Variants in HEPACAM observed in about 807,000 individuals in gnomAD.
HEPACAM encodes the protein hepatic and glial cell adhesion molecule, also known as hepatocyte cell adhesion molecule.
HEPACAM carries 18 observed loss-of-function variants against 38.3 expected under a neutral mutation model. The observed-to-expected ratio is 0.47, with a 90% CI of 0.33 to 0.70. The LOEUF (loss-of-function observed/expected upper bound fraction) is 0.70, where lower values mean the gene tolerates loss of function less well. Among genes scored for constraint, HEPACAM ranks in the 30% least tolerant of loss-of-function variants. The probability of loss-of-function intolerance (pLI) is 0.03; values close to 1 mark genes in which losing one functional copy is unlikely to be tolerated. For missense variants in HEPACAM, 466 were observed against 563.0 expected, an observed-to-expected ratio of 0.83 and a Z score of 1.74; for synonymous variants, 216 against 243.1, an observed-to-expected ratio of 0.89 and a Z score of 1.04.
At position 124,935,967 on chromosome 11, in the gene HEPACAM, C is replaced by T. The variant is rs778673689; in HGVS notation, c.40G>A (p.Ala14Thr). Reference protein sequence around the residue: ...ERGALSRASRALRLAPFVYLL... With the variant: ...ERGALSRASRTLRLAPFVYLL... ...TAGACAAAAGGAGCAAGGCGCAGGG[C>T]CCTGGAGGCTCTGGACAGGGCTCCC... Residue 14 changes from alanine (A) to threonine (T), a missense_variant, in exon 1 of 7, where the codon GCC becomes ACC. Ala to Thr is a moderately conservative substitution (Grantham distance 58). Coordinates refer to ENST00000298251, the MANE Select transcript of HEPACAM (RefSeq NM_152722.5). The T allele has an allele frequency of 6.2e-7, 1 of 1,614,060 alleles. No homozygotes were observed. The highest frequency in any genetic ancestry group is 8.5e-7 in the Non-Finnish European group (1 of 1,180,000).
intron 1 of HEPACAM, among the ~76,000 whole-genome samples, chr11:124,935,118 C>A (rs1255478201): frequency 6.6e-6 from 1 of 152,146 alleles, no homozygotes; most frequent in South Asian, 2.1e-4. Context: ...CCCTGATATT[C>A]CCACACCCTG....
rs1340237367 is a variant in HEPACAM at position 124,920,516 on chromosome 11, A to T, written c.*622T>A. ...AATGTACTCGTACCCTTCCCTCACC[A>T]CCTTGTAGGTCCCCAGGTACCAGGT... On this transcript the variant is annotated 3_prime_UTR_variant, in exon 7 of 7. Coordinates refer to ENST00000298251, the MANE Select transcript of HEPACAM (RefSeq NM_152722.5). 1.9e-5 allele frequency: 27 copies of T among 1,454,238 alleles called. No homozygotes were observed. Among genetic ancestry groups the T allele is most frequent in the Non-Finnish European group, 2.4e-5 (26 of 1,088,352 alleles). 90.1% of individuals were successfully genotyped at this position (1,454,238 alleles called of 1,614,324 possible).
chr11:124,921,120 A>C lies in HEPACAM; in HGVS notation c.*18T>G, dbSNP rs748637685. 6.7e-5 allele frequency: 102 copies of C among 1,524,246 alleles called. 1 individual carries two copies. The highest frequency in any genetic ancestry group is 2.3e-4 in the Middle Eastern group (1 of 4,336). The allele number at this position is 1,524,246 out of a possible 1,614,324, so 94.4% of individuals were successfully genotyped here. The stretch of plus-strand genomic sequence containing the variant: ...TGGCCGCAGACCGCGGGCGCCTCTC[A>C]GGGGATCCCGAGGCGGCTCAGGCGC... On this transcript the variant is annotated 3_prime_UTR_variant, in exon 7 of 7. Coordinates refer to ENST00000298251, the MANE Select transcript of HEPACAM (RefSeq NM_152722.5). The surrounding 1 kb of genome is among the most constrained non-coding windows in gnomAD (Gnocchi z 4.6).
chr11:124,922,590 T>C (rs1257192202), intron 5 of HEPACAM, 132 bp from the exon 6 acceptor site: 38 of 1,607,728 alleles, frequency 2.4e-5, no homozygotes, highest in Non-Finnish European at 3.1e-5. Flanking sequence ...GGCTCCTACC[T>C]TGGCCAAACC....
chr11:124,931,497 A>C (rs545553402), intron 1 of HEPACAM, among the ~76,000 whole-genome samples: 2 of 152,380 alleles, frequency 1.3e-5, no homozygotes, highest in East Asian at 3.9e-4. Flanking sequence ...GTGAGCCATC[A>C]CACCAACCTT....
intron 1 of HEPACAM, among the ~76,000 whole-genome samples, chr11:124,927,510 G>GTTTTTTTTTTTTTTTTTTTT (rs763291809): frequency 5.0e-5 from 5 of 99,190 alleles, no homozygotes; most frequent in Admixed American, 1.1e-4. Context: ...GCCCAGCTAG[G>GTTTTTTTTTTTTTTTTTTTT]TTTTTTTTTT....
Position 124,924,737 on chromosome 11 carries a change from T to G in HEPACAM, c.418A>C (p.Thr140Pro). The part of the protein sequence containing the change: ...TFTGEKTINL[T>P]VDVPISRPQV... Reference sequence around the variant, plus strand: ...TGCCAGAGCGCTTTACCATCTACAGTAAGGTTGATGGTCTTCTCCCCAGTG... The same window carrying G: ...TGCCAGAGCGCTTTACCATCTACAGGAAGGTTGATGGTCTTCTCCCCAGTG... Residue 140 changes from threonine to proline, a missense_variant, in exon 2 of 7, where the codon ACT becomes CCT. Physicochemically the swap from Thr to Pro is conservative, Grantham distance 38. Transcript: ENST00000298251. This position sits in a 1 kb window ranked among gnomAD's most constrained non-coding sequence, Gnocchi z 4.4. 1 of 1,613,778 alleles carries G rather than the reference T, an allele frequency of 6.2e-7. No individual in the cohort carries two copies.
At position 124,923,759 on chromosome 11, in the gene HEPACAM, G is replaced by C. The variant is rs367663549; in HGVS notation, c.679C>G (p.Arg227Gly). 1.9e-6 allele frequency: 3 copies of C among 1,614,036 alleles called. No homozygotes were observed. The highest frequency in any genetic ancestry group is 2.5e-6 in the Non-Finnish European group (3 of 1,180,034). Reference protein sequence around the residue: ...CMVENPISQGRSLPVKITVYR... With the variant: ...CMVENPISQGGSLPVKITVYR... ...ACGGTGATCTTGACAGGCAGGCTGCGGCCCTGGCTGATGGGGTTCTCCACC... is the reference window on the plus strand; with the variant it reads ...ACGGTGATCTTGACAGGCAGGCTGCCGCCCTGGCTGATGGGGTTCTCCACC... Residue 227 changes from arginine to glycine, a missense_variant, in exon 3 of 7, where the codon CGC (arginine) becomes GGC (glycine). By Grantham distance (125) the Arg-to-Gly change is moderately radical. Transcript: ENST00000298251.
chr11:124,922,829 A>G lies in HEPACAM; in HGVS notation c.804-11T>C. 6.2e-7 allele frequency: 1 copy of G among 1,614,126 alleles called. No individual in the cohort carries two copies. Among genetic ancestry groups the G allele is most frequent in the Non-Finnish European group, 8.5e-7 (1 of 1,179,980 alleles). ...AGCTTCTTCTGTTTCCTGTGAATCA[A>G]TTCAGCCCCACTATGAGCCGAATTA... On this transcript the variant is annotated splice_polypyrimidine_tract_variant and intron_variant, in intron 4 of 6. Coordinates refer to ENST00000298251, the MANE Select transcript of HEPACAM (RefSeq NM_152722.5).
At chr11:124,930,725 C>T (rs563893621) in intron 1 of HEPACAM, among the ~76,000 whole-genome samples, 1 of 152,158 alleles carries the variant, frequency 6.6e-6, no homozygotes, top group South Asian at 2.1e-4. Flanking sequence ...TATGATTGCT[C>T]AAATGATGAC....
chr11:124,923,687 TG>T, intron 3 of HEPACAM, 41 bp downstream of exon 3: 1 of 1,611,568 alleles, frequency 6.2e-7, no homozygotes. Flanking sequence ...ACCTGCCTCT[TG>T]GGGCTTTGAG....
chr11:124,919,661 A>G lies in HEPACAM; in HGVS notation c.*1477T>C. ...GTGCCGAGGGACAGGGAGCTGAGAC[A>G]GGCATGCTGTGGGGTTCAGGGCAGA... On this transcript the variant is annotated 3_prime_UTR_variant, in exon 7 of 7. Coordinates refer to ENST00000298251, the MANE Select transcript of HEPACAM (RefSeq NM_152722.5). 1.4e-6 allele frequency: 2 copies of G among 1,417,408 alleles called. No individual in the cohort carries two copies. The highest frequency in any genetic ancestry group is 1.9e-6 in the Non-Finnish European group (2 of 1,036,262). 87.8% of individuals were successfully genotyped at this position (1,417,408 alleles called of 1,614,324 possible).
At position 124,921,820 on chromosome 11, in the gene HEPACAM, C is replaced by A. The variant is rs1040089186; in HGVS notation, c.949-380G>T. Among the ~76,000 whole-genome samples, 5 of 152,304 alleles carry A rather than the reference C, an allele frequency of 3.3e-5. No individual in the cohort carries two copies. Among genetic ancestry groups the A allele is most frequent in the Middle Eastern group, 3.4e-3 (1 of 294 alleles). ...ACTCATTGACTTGTTTAATCCTGAG[C>A]AAGTCATTTAATCTCACAGCCTTGT... On this transcript the variant is annotated intron_variant, in intron 6 of 6. Coordinates refer to ENST00000298251, the MANE Select transcript of HEPACAM (RefSeq NM_152722.5). The surrounding 1 kb of genome is among the most constrained non-coding windows in gnomAD (Gnocchi z 4.6).
In HEPACAM at chr11:124,919,798, A is replaced by G. The variant is rs759835890; in HGVS notation, c.*1340T>C. 1 of 1,614,188 alleles carries G rather than the reference A, an allele frequency of 6.2e-7. No homozygotes were observed. The highest frequency in any genetic ancestry group is 8.5e-7 in the Non-Finnish European group (1 of 1,180,030). ...TTGCTCCATGGGTTGATGGCGAATC[A>G]GAGCTGGAGTTTAGGAGACTAGGGA... On this transcript the variant is annotated 3_prime_UTR_variant, in exon 7 of 7. Coordinates refer to ENST00000298251, the MANE Select transcript of HEPACAM (RefSeq NM_152722.5).
At position 124,919,932 on chromosome 11, in the gene HEPACAM, A is replaced by T. The variant is rs78859654; in HGVS notation, c.*1206T>A. ...TCTCCTCACACAGTAGATTACTGCC[A>T]CTCCTATGAACTGTTCAATAGGCGG... On this transcript the variant is annotated 3_prime_UTR_variant, in exon 7 of 7. Transcript: ENST00000298251. 0.086 allele frequency: 138,369 copies of T among 1,613,728 alleles called. 6,429 individuals carry two copies. Among genetic ancestry groups the T allele is most frequent in the Non-Finnish European group, 0.096 (113,094 of 1,179,900 alleles).
rs763291809 is a variant in HEPACAM, at chr11:124,927,510, G to GTTTTTTTTTTTTTTTT, written c.86-2442_86-2441insAAAAAAAAAAAAAAAA. On this transcript the variant is annotated intron_variant, in intron 1 of 6. Transcript: ENST00000298251. ...GGCATGTGCCACTATGCCCAGCTAG[G>GTTTTTTTTTTTTTTTT]TTTTTTTTTTTTGTTTTTTTTTTTT... 6.9e-3 allele frequency among the ~76,000 whole-genome samples: 686 copies of GTTTTTTTTTTTTTTTT among 99,140 alleles called. 8 individuals are homozygous for GTTTTTTTTTTTTTTTT. Among genetic ancestry groups the GTTTTTTTTTTTTTTTT allele is most frequent in the Non-Finnish European group, 8.6e-3 (454 of 52,770 alleles). 65.0% of individuals were successfully genotyped at this position (99,140 alleles called of 152,430 possible).
chr11:124,925,338 T>C (rs983666958), intron 1 of HEPACAM, among the ~76,000 whole-genome samples: 1 of 152,248 alleles, frequency 6.6e-6, no homozygotes, highest in African/African-American at 2.4e-5. Context: ...GTCTATTGCC[T>C]TTCTCTTGTG....
chr11:124,919,648 A>C lies in HEPACAM; in HGVS notation c.*1490T>G. On this transcript the variant is annotated 3_prime_UTR_variant, in exon 7 of 7. Coordinates refer to ENST00000298251, the MANE Select transcript of HEPACAM (RefSeq NM_152722.5). ...TGAGCCTGGGGAAGTGCCGAGGGAC[A>C]GGGAGCTGAGACAGGCATGCTGTGG... 7.5e-7 allele frequency: 1 copy of C among 1,334,634 alleles called. No homozygotes were observed. The highest frequency in any genetic ancestry group is 1.0e-6 in the Non-Finnish European group (1 of 969,960). The allele number at this position is 1,334,634 out of a possible 1,614,324, so 82.7% of individuals were successfully genotyped here.
chr11:124,922,853 T>G, intron 4 of HEPACAM, 35 bp from the exon 5 acceptor site: 1 of 1,609,632 alleles, frequency 6.2e-7, no homozygotes, highest in East Asian at 2.2e-5. Flanking sequence ...TGAGCCGAAT[T>G]ATTGAATGTG....
Sources: allele counts gnomAD v4.1 joint callset (sites outside exome capture counted in the v4.1 genomes callset), GRCh38; gene constraint gnomAD v4.1.1; non-coding constraint Gnocchi (gnomAD v3.1); transcripts MANE v1.5; gene names NCBI Gene and HGNC (gene_info 2026-07-23, HGNC 2026-07-21).